The following HEPH variants were observed in gnomAD, a reference collection of about 807,000 sequenced individuals.
HEPH encodes the protein hephaestin.
A neutral mutation model predicts 80.8 loss-of-function variants in HEPH; 69 were observed. That is an observed-to-expected ratio of 0.85 (90% CI 0.70 to 1.04). The LOEUF is 1.04. Ranked by LOEUF, HEPH falls within the 50% of genes least tolerant of loss-of-function variation. The pLI, the probability that HEPH is intolerant of heterozygous loss-of-function variation, is 0.00. For synonymous variants in HEPH, 431 were observed against 322.8 expected (o/e 1.34, Z -3.60); for missense variants, 1,115 against 891.3 (o/e 1.25, Z -3.20).
At position 66,188,557 on chromosome X, in the gene HEPH, G is replaced by A. The variant is rs373904618; in HGVS notation, c.808+16G>A. The A allele has an allele frequency of 4.2e-6, 5 of 1,186,877 alleles. No homozygotes were observed. The highest frequency in any genetic ancestry group is 4.6e-6 in the Non-Finnish European group (4 of 878,163). ...AGGATGCATGGTGAGTTGGGAAAAG[G>A]TGGCCACATTGTGACAGGGAACATT... On this transcript the variant is annotated intron_variant, in intron 5 of 20. Coordinates refer to ENST00000343002, the MANE Select transcript of HEPH (RefSeq NM_001367233.3).
chrX:66,216,274 A>T (rs966723280), intron 15 of HEPH, among the ~76,000 whole-genome samples: 3 of 111,863 alleles, frequency 2.7e-5, no homozygotes, highest in Non-Finnish European at 5.6e-5. Context: ...ATTGGAGGCC[A>T]AACAACACAA....
In HEPH at chrX:66,200,645, G is replaced by A; in HGVS notation, c.1970G>A (p.Gly657Glu). The change falls in exon 12 of 21, where the codon GGA becomes GAA. Residue 657 changes from glycine (G) to glutamate (E), a missense_variant. Physicochemically the swap from Gly to Glu is moderately conservative, Grantham distance 98 (BLOSUM62 -2). This residue lies in a region of HEPH where 716 missense variants were observed against 523.5 expected (regional missense o/e 1.37). Transcript: ENST00000343002. ...CTGGGCACAGAGACTGATGTGCATG[G>A]AGTCATGTTCCAGGGCAACACTGTG... Reference protein sequence around the residue: ...LGLGTETDVHGVMFQGNTVQL... With the variant: ...LGLGTETDVHEVMFQGNTVQL... 8.3e-7 allele frequency: 1 copy of A among 1,211,454 alleles called. No homozygotes were observed. Among genetic ancestry groups the A allele is most frequent in the Non-Finnish European group, 1.1e-6 (1 of 895,199 alleles).
At chrX:66,179,900 C>G (rs775635470) in intron 4 of HEPH, among the ~76,000 whole-genome samples, 1 of 111,537 alleles carries the variant, frequency 9.0e-6, no homozygotes, top group Non-Finnish European at 1.9e-5. Flanking sequence ...AGAATAGCTT[C>G]TCCTACTCAC....
In HEPH at chrX:66,232,031, A is replaced by T. The variant is rs1231277220; in HGVS notation, c.2564-23004A>T. Among the ~76,000 whole-genome samples, 3 of 108,995 alleles carry T rather than the reference A, an allele frequency of 2.8e-5. No individual in the cohort carries two copies. In the East Asian group the frequency reaches 8.6e-4, roughly 31 times the overall value. The allele number at this position is 108,995 out of a possible 115,157, so 94.6% of individuals were successfully genotyped here. A position where few individuals can be genotyped will look rare whatever the true frequency, so the allele number is the denominator to read the frequency against. ...AAAGGCTTTTTCTGCATCTATTGAG[A>T]TAATCATGTGGTTTTTGTCTTTGGC... On this transcript the variant is annotated intron_variant, in intron 15 of 20. Coordinates refer to ENST00000343002, the MANE Select transcript of HEPH (RefSeq NM_001367233.3).
At chrX:66,206,715 T>G (rs1289359782) in intron 13 of HEPH, among the ~76,000 whole-genome samples, 1 of 109,846 alleles carries the variant, frequency 9.1e-6, no homozygotes, top group Non-Finnish European at 1.9e-5. Context: ...GTGAGAAGTC[T>G]GACATTAGAA....
rs201752201 is a variant in HEPH at position 66,189,732 on chromosome X, C to A, written c.857C>A (p.Ala286Glu). The A allele has an allele frequency of 1.0e-4, 125 of 1,208,874 alleles. No homozygotes were observed. Among genetic ancestry groups the A allele is most frequent in the Non-Finnish European group, 2.0e-5 (18 of 894,634 alleles). ...AATTTACCTGAGCTGAACATGTGTG[C>A]ACAGAAACGTGTGGCCTGGCACTTG... The part of the protein sequence containing the change: ...FGNLPELNMC[A>E]QKRVAWHLFG... Residue 286 changes from alanine to glutamate, a missense_variant, in exon 6 of 21, where the codon GCA becomes GAA. Ala to Glu is a moderately radical substitution (Grantham distance 107). Transcript: ENST00000343002.
chrX:66,165,813 G>A (rs1250777113), intron 1 of HEPH, among the ~76,000 whole-genome samples: 1 of 109,870 alleles, frequency 9.1e-6, no homozygotes, highest in Non-Finnish European at 1.9e-5. Flanking sequence ...TTTTTATTTT[G>A]TATTTTTTAC....
intron 4 of HEPH, among the ~76,000 whole-genome samples, chrX:66,182,000 A>G (rs1320400238): frequency 1.8e-5 from 2 of 109,832 alleles, no homozygotes; most frequent in Non-Finnish European, 3.8e-5. Context: ...GTCAAAGATA[A>G]GATAGTTGTA....
intron 15 of HEPH, among the ~76,000 whole-genome samples, chrX:66,245,314 G>A (rs1172849882): frequency 9.0e-6 from 1 of 111,153 alleles, no homozygotes; most frequent in Non-Finnish European, 1.9e-5. Flanking sequence ...AACAAAAAAA[G>A]GCAGGGGTTG....
chrX:66,173,565 G>C lies in HEPH; in HGVS notation c.413-24G>C, dbSNP rs199763124. 9 of 1,130,370 alleles carry C rather than the reference G, an allele frequency of 8.0e-6. No homozygotes were observed. In the African/African-American group the frequency reaches 1.4e-4, roughly 18 times the overall value. The allele number at this position is 1,130,370 out of a possible 1,213,427, so 93.2% of individuals were successfully genotyped here. A position where few individuals can be genotyped will look rare whatever the true frequency, so the allele number is the denominator to read the frequency against. ...ACGGTCCCTCACTTATTCTGGGCCT[G>C]TGCATGTACAATTTCATTTCTAGGT... On this transcript the variant is annotated intron_variant, in intron 3 of 20. Transcript: ENST00000343002.
In HEPH at chrX:66,226,905, A is replaced by G. The variant is rs750770007; in HGVS notation, c.2563+18659A>G. On this transcript the variant is annotated intron_variant, in intron 15 of 20. Transcript: ENST00000343002. ...ATTGACACTATTCCAAAATACAGAGAAAGATGGAATCCTCCTCAAATCATT... is the reference window on the plus strand; with the variant it reads ...ATTGACACTATTCCAAAATACAGAGGAAGATGGAATCCTCCTCAAATCATT... 7.2e-5 allele frequency among the ~76,000 whole-genome samples: 8 copies of G among 111,800 alleles called. No homozygotes were observed. In the South Asian group the frequency reaches 2.3e-3, roughly 32 times the overall value.
intron 15 of HEPH, among the ~76,000 whole-genome samples, chrX:66,236,463 C>A (rs995580463): frequency 9.0e-6 from 1 of 111,623 alleles, no homozygotes; most frequent in African/African-American, 3.3e-5. Context: ...AGGGATAAAG[C>A]CAATTTTATC....
chrX:66,260,769 C>CTT (rs751306511), intron 19 of HEPH, among the ~76,000 whole-genome samples: 3 of 104,309 alleles, frequency 2.9e-5, no homozygotes, highest in African/African-American at 1.0e-4. Context: ...TTCTTTTTTT[C>CTT]TTTTTTTTTT....
At chrX:66,194,843 G>A (rs747363633) in intron 8 of HEPH, among the ~76,000 whole-genome samples, 20 of 111,717 alleles carry the variant, frequency 1.8e-4, no homozygotes, top group Non-Finnish European at 3.4e-4. Context: ...TCTGTAAATT[G>A]GAGTTAATAA....
chrX:66,165,753 A>C (rs2086328256), intron 1 of HEPH, among the ~76,000 whole-genome samples: 1 of 111,061 alleles, frequency 9.0e-6, no homozygotes, highest in Non-Finnish European at 1.9e-5. Context: ...ATAGCCTAGA[A>C]TTTTTCTTTC....
At chrX:66,162,824 C>T, upstream of HEPH, 2 of 1,155,735 alleles carry the variant, frequency 1.7e-6, no homozygotes, top group South Asian at 1.9e-5. Context: ...AAAATGTGCC[C>T]AGCCTGCCTG....
At chrX:66,233,841 T>C (rs1243047969) in intron 15 of HEPH, among the ~76,000 whole-genome samples, 1 of 111,554 alleles carries the variant, frequency 9.0e-6, no homozygotes, top group South Asian at 3.8e-4. Context: ...TGGTCAGTCA[T>C]GATTCTAGAC....
chrX:66,195,266 G>T, intron 9 of HEPH, 37 bp downstream of exon 9: 2 of 1,070,768 alleles, frequency 1.9e-6, no homozygotes, highest in Non-Finnish European at 2.5e-6. Context: ...GTGGGCTCTA[G>T]GTGGTACCAT....
intron 15 of HEPH, among the ~76,000 whole-genome samples, chrX:66,236,865 G>T (rs1189218853): frequency 1.8e-5 from 2 of 111,289 alleles, no homozygotes; most frequent in Admixed American, 9.6e-5. Flanking sequence ...TATATGTCCA[G>T]AAATTTATCA....
Sources: allele counts gnomAD v4.1 joint callset (sites outside exome capture counted in the v4.1 genomes callset), GRCh38; gene constraint gnomAD v4.1.1; regional missense constraint gnomAD v4.1.1; transcripts MANE v1.5; gene names NCBI Gene and HGNC (gene_info 2026-07-23, HGNC 2026-07-21).